DTNB: variants seen among roughly 807,000 people sequenced by gnomAD.
DTNB encodes dystrobrevin beta.
DTNB carries 63 observed loss-of-function variants against 90.7 expected under a neutral mutation model. The ratio of observed to expected loss-of-function variants is 0.69; its 90% CI spans 0.57 to 0.86. The LOEUF (loss-of-function observed/expected upper bound fraction) is 0.86. DTNB is among the 40% of genes least tolerant of loss of function. The probability of loss-of-function intolerance (pLI) is 0.00; values close to 1 mark genes in which losing one functional copy is unlikely to be tolerated. For synonymous variants in DTNB, 277 were observed against 286.7 expected (o/e 0.97, Z 0.34); for missense variants, 744 against 807.1 (o/e 0.92, Z 0.95).
intron 6 of DTNB, among the ~76,000 whole-genome samples, chr2:25,585,197 C>T (rs1362015907): frequency 6.6e-6 from 1 of 152,072 alleles, no homozygotes; most frequent in Admixed American, 6.5e-5. Context: ...CTCTATTTCC[C>T]TCCAGATGTA....
At chr2:25,592,127 T>A (rs1300719672) in intron 6 of DTNB, among the ~76,000 whole-genome samples, 1 of 151,994 alleles carries the variant, frequency 6.6e-6, no homozygotes, top group East Asian at 1.9e-4. Context: ...TATGACTAAT[T>A]TGGTTTCATT....
At chr2:25,462,955 G>A (rs967126812) in intron 10 of DTNB, among the ~76,000 whole-genome samples, 2 of 151,970 alleles carry the variant, frequency 1.3e-5, no homozygotes, top group African/African-American at 4.8e-5. Context: ...CACCCGCCTC[G>A]GCCTCCCAAA....
intron 15 of DTNB, among the ~76,000 whole-genome samples, chr2:25,422,055 G>A (rs1482399695): frequency 6.6e-6 from 1 of 152,198 alleles, no homozygotes; most frequent in Middle Eastern, 3.2e-3. Flanking sequence ...TGTCAACACA[G>A]TAAACAGGTC....
intron 8 of DTNB, among the ~76,000 whole-genome samples, chr2:25,575,718 G>T (rs1027868659): frequency 6.6e-6 from 1 of 152,204 alleles, no homozygotes; most frequent in South Asian, 2.1e-4. Context: ...AAGGCCAATA[G>T]GATAACCAGG....
chr2:25,540,340 T>C (rs1202922311), intron 8 of DTNB, among the ~76,000 whole-genome samples: 6 of 152,210 alleles, frequency 3.9e-5, no homozygotes, highest in African/African-American at 1.4e-4. Context: ...TTCATATTCT[T>C]CTCCATAAAG....
chr2:25,438,199 A>G (rs553427132), intron 12 of DTNB, among the ~76,000 whole-genome samples: 1 of 151,886 alleles, frequency 6.6e-6, no homozygotes, highest in South Asian at 2.1e-4. Flanking sequence ...AAGGGTCTAG[A>G]CCAGGGGTAT....
At chr2:25,628,818 G>A (rs757468956) in intron 3 of DTNB, among the ~76,000 whole-genome samples, 4 of 152,184 alleles carry the variant, frequency 2.6e-5, no homozygotes, top group African/African-American at 4.8e-5. Flanking sequence ...ACCCTAAAGA[G>A]AGAGACAAAT....
intron 12 of DTNB, among the ~76,000 whole-genome samples, chr2:25,447,434 C>T (rs757050990): frequency 2.6e-5 from 4 of 151,604 alleles, no homozygotes; most frequent in African/African-American, 9.7e-5. Context: ...CCAGAGGAGA[C>T]GACTTCTTCC....
intron 12 of DTNB, among the ~76,000 whole-genome samples, chr2:25,448,981 A>G (rs1307450659): frequency 6.6e-6 from 1 of 152,156 alleles, no homozygotes; most frequent in Non-Finnish European, 1.5e-5. Flanking sequence ...GTCTCTCTTC[A>G]ATATTTCCAT....
chr2:25,466,260 G>A (rs2061760365), intron 10 of DTNB, among the ~76,000 whole-genome samples: 1 of 152,182 alleles, frequency 6.6e-6, no homozygotes, highest in Admixed American at 6.5e-5. Flanking sequence ...GCTTGAACCT[G>A]GGAGGCAGAG....
At chr2:25,523,035 G>T (rs1360563422) in intron 9 of DTNB, among the ~76,000 whole-genome samples, 2 of 152,014 alleles carry the variant, frequency 1.3e-5, no homozygotes, top group Non-Finnish European at 2.9e-5. Context: ...GTCAGACTTC[G>T]ATTTGTACTA....
intron 1 of DTNB, 199 bp from the exon 2 acceptor site, chr2:25,652,860 G>A (rs1164191999): frequency 2.0e-6 from 1 of 497,474 alleles, no homozygotes; most frequent in Admixed American, 3.8e-5. Context: ...TAAAATATTA[G>A]TAAATCAATA....
intron 16 of DTNB, among the ~76,000 whole-genome samples, chr2:25,407,240 A>T (rs1300488661): frequency 1.3e-5 from 2 of 152,232 alleles, no homozygotes; most frequent in Non-Finnish European, 2.9e-5. Flanking sequence ...TACCCCTGCA[A>T]GAATCGTCAT....
chr2:25,655,630 C>T (rs2148966122), intron 1 of DTNB, among the ~76,000 whole-genome samples: 1 of 152,218 alleles, frequency 6.6e-6, no homozygotes. Context: ...ACTAGAATGG[C>T]TCATTTAAGG....
chr2:25,628,155 G>A lies in DTNB; in HGVS notation c.362+16C>T. ...TCTTAAAATGAAGTAAGCGTGTAAG[G>A]TAAGGTACTACTAGCCTGTCATATG... On this transcript the variant is annotated intron_variant, in intron 4 of 20. Coordinates refer to ENST00000406818, the MANE Select transcript of DTNB (RefSeq NM_021907.5). 1 of 1,609,698 alleles carries A rather than the reference G, an allele frequency of 6.2e-7. No homozygotes were observed. Among genetic ancestry groups the A allele is most frequent in the Non-Finnish European group, 8.5e-7 (1 of 1,176,196 alleles).
chr2:25,487,115 G>T (rs1453036425), intron 9 of DTNB, among the ~76,000 whole-genome samples: 1 of 152,196 alleles, frequency 6.6e-6, no homozygotes, highest in Non-Finnish European at 1.5e-5. Context: ...AAGCATCACT[G>T]TTACTGGGTA....
intron 8 of DTNB, among the ~76,000 whole-genome samples, chr2:25,566,714 G>A (rs1369816819): frequency 6.6e-6 from 1 of 152,204 alleles, no homozygotes; most frequent in Non-Finnish European, 1.5e-5. Context: ...CAATGCATGG[G>A]ATGTGAGAGA....
At chr2:25,516,755 T>G (rs1414084344) in intron 9 of DTNB, among the ~76,000 whole-genome samples, 1 of 151,414 alleles carries the variant, frequency 6.6e-6, no homozygotes, top group Non-Finnish European at 1.5e-5. Context: ...CTGGGCGTGG[T>G]GGTGGGCGCC....
At chr2:25,515,649 G>A (rs556493714) in intron 9 of DTNB, among the ~76,000 whole-genome samples, 9 of 152,062 alleles carry the variant, frequency 5.9e-5, no homozygotes, top group East Asian at 1.9e-4. Context: ...GTGCAATGGC[G>A]CAATCTCGGC....
Sources: allele counts gnomAD v4.1 joint callset (sites outside exome capture counted in the v4.1 genomes callset), GRCh38; gene constraint gnomAD v4.1.1; transcripts MANE v1.5; gene names NCBI Gene and HGNC (gene_info 2026-07-23, HGNC 2026-07-21).